Variants in PPFIBP1 observed in about 807,000 individuals in gnomAD.
PPFIBP1 encodes the protein PPFIB scaffold protein 1.
In PPFIBP1, 112 loss-of-function variants were observed where a neutral mutation model predicts 137.8. The ratio of observed to expected loss-of-function variants is 0.81; its 90% CI spans 0.70 to 0.95. PPFIBP1 has a LOEUF of 0.95. Among genes scored for constraint, PPFIBP1 ranks in the 40% least tolerant of loss-of-function variants. PPFIBP1 has a pLI of 0.00. For missense variants in PPFIBP1, 1,083 were observed against 1,196.6 expected (o/e 0.91, Z 1.40); for synonymous variants, 378 against 417.3 (o/e 0.91, Z 1.15).
At chr12:27,583,187 G>A (rs765947469) in intron 2 of PPFIBP1, among the ~76,000 whole-genome samples, 3 of 152,176 alleles carry the variant, frequency 2.0e-5, no homozygotes, top group Admixed American at 1.3e-4. Context: ...TTGCTTGGAA[G>A]CTTTTCAACA....
At chr12:27,533,146 A>G (rs1289125420) in intron 1 of PPFIBP1, among the ~76,000 whole-genome samples, 1 of 152,200 alleles carries the variant, frequency 6.6e-6, no homozygotes, top group Non-Finnish European at 1.5e-5. Flanking sequence ...AACTACAGGG[A>G]CATGCCTCCA....
intron 1 of PPFIBP1, among the ~76,000 whole-genome samples, chr12:27,560,667 A>G (rs1463747786): frequency 6.6e-6 from 1 of 152,156 alleles, no homozygotes; most frequent in Non-Finnish European, 1.5e-5. Flanking sequence ...GTTGAGTATT[A>G]TTATTACTTC....
At chr12:27,567,182 G>A (rs2049752824) in intron 1 of PPFIBP1, among the ~76,000 whole-genome samples, 1 of 152,176 alleles carries the variant, frequency 6.6e-6, no homozygotes, top group South Asian at 2.1e-4. Flanking sequence ...AGACCATGGG[G>A]TGCTCTACAG....
At chr12:27,628,527 A>G (rs1184136375) in intron 2 of PPFIBP1, among the ~76,000 whole-genome samples, 1 of 152,112 alleles carries the variant, frequency 6.6e-6, no homozygotes, top group African/African-American at 2.4e-5. Flanking sequence ...CACCCAAAGA[A>G]CTCAACTATA....
At chr12:27,688,165 A>G in intron 25 of PPFIBP1, 133 bp from the exon 26 acceptor site, 1 of 1,051,696 alleles carries the variant, frequency 9.5e-7, no homozygotes, top group Non-Finnish European at 1.4e-6. Context: ...CTATGACAGA[A>G]ATTCTTTAAA....
In PPFIBP1 at chr12:27,677,110, G is replaced by C; in HGVS notation, c.1615+14G>C. Reference sequence around the variant, plus strand: ...CACCCACCCTAGGTATTGTACCCCTGCATGCCAGCCTTCACCAGCACTGTG... The same window carrying C: ...CACCCACCCTAGGTATTGTACCCCTCCATGCCAGCCTTCACCAGCACTGTG... On this transcript the variant is annotated intron_variant, in intron 19 of 29. Transcript: ENST00000228425. 6.2e-7 allele frequency: 1 copy of C among 1,613,780 alleles called. No homozygotes were observed. The highest frequency in any genetic ancestry group is 8.5e-7 in the Non-Finnish European group (1 of 1,179,942).
intron 2 of PPFIBP1, among the ~76,000 whole-genome samples, chr12:27,586,830 A>G (rs1432626726): frequency 7.0e-6 from 1 of 143,544 alleles, no homozygotes; most frequent in African/African-American, 2.6e-5. Context: ...TCATGGCTCA[A>G]AATAAAAGAA....
At chr12:27,537,374 G>T (rs1417150935) in intron 1 of PPFIBP1, among the ~76,000 whole-genome samples, 1 of 152,106 alleles carries the variant, frequency 6.6e-6, no homozygotes, top group African/African-American at 2.4e-5. Context: ...CTCGTGATCC[G>T]CCGGCCTCGG....
intron 2 of PPFIBP1, among the ~76,000 whole-genome samples, chr12:27,600,507 T>G (rs2137715041): frequency 6.6e-6 from 1 of 152,200 alleles, no homozygotes; most frequent in South Asian, 2.1e-4. Context: ...CCTGTGTACT[T>G]AAATCTCAGT....
At chr12:27,529,344 C>T (rs973706228) in intron 1 of PPFIBP1, among the ~76,000 whole-genome samples, 8 of 152,212 alleles carry the variant, frequency 5.3e-5, no homozygotes, top group African/African-American at 1.9e-4. Context: ...GGTGAAACTC[C>T]ATTTCACCTG....
chr12:27,612,328 GTTTTTTTT>G (rs1173958726), intron 2 of PPFIBP1, among the ~76,000 whole-genome samples: 2 of 87,234 alleles, frequency 2.3e-5, no homozygotes, highest in Non-Finnish European at 2.2e-5. Context: ...CTTTATTGGT[GTTTTTTTT>G]TTTTTTTTTT....
At chr12:27,610,786 T>C (rs1267146927) in intron 2 of PPFIBP1, among the ~76,000 whole-genome samples, 1 of 152,200 alleles carries the variant, frequency 6.6e-6, no homozygotes, top group Non-Finnish European at 1.5e-5. Context: ...GAATAAATAT[T>C]GCTATGATTT....
Position 27,678,856 on chromosome 12 carries a change from C to CAAAAAAAAAAAAA in PPFIBP1, c.1616-620_1616-608dup, listed in dbSNP as rs60834907. On this transcript the variant is annotated intron_variant, in intron 19 of 29. Transcript: ENST00000228425. ...TGGGAAACAGAGTGAGACTCTGTCT[C>CAAAAAAAAAAAAA]AAAAAAAAAAAAAAAAAAAAAAAAA... is the stretch of plus-strand genomic sequence containing the variant. 6.2e-3 allele frequency among the ~76,000 whole-genome samples: 609 copies of CAAAAAAAAAAAAA among 98,864 alleles called. 18 individuals are homozygous for CAAAAAAAAAAAAA. The highest frequency in any genetic ancestry group is 1.0e-2 in the East Asian group (27 of 2,708). The allele number at this position is 98,864 out of a possible 152,430, so 64.9% of individuals were successfully genotyped here.
intron 4 of PPFIBP1, among the ~76,000 whole-genome samples, chr12:27,642,687 G>C (rs561699606): frequency 2.0e-5 from 3 of 152,294 alleles, no homozygotes; most frequent in African/African-American, 2.4e-5. Flanking sequence ...AAGACAGATT[G>C]ATCTGAGAGG....
At chr12:27,638,505 TG>T (rs34048418) in intron 4 of PPFIBP1, among the ~76,000 whole-genome samples, 88,901 of 151,562 alleles carry the variant, frequency 0.59, 26,575 homozygotes, top group Admixed American at 0.65. Flanking sequence ...CTTGGTTTTC[TG>T]GTCTGTAAAA....
chr12:27,533,019 T>C (rs1472099762), intron 1 of PPFIBP1, among the ~76,000 whole-genome samples: 1 of 152,168 alleles, frequency 6.6e-6, no homozygotes, highest in African/African-American at 2.4e-5. Context: ...AATTTTCTTT[T>C]AAAGATGATG....
At chr12:27,627,477 C>G (rs1344446209) in intron 2 of PPFIBP1, among the ~76,000 whole-genome samples, 1 of 152,174 alleles carries the variant, frequency 6.6e-6, no homozygotes, top group Non-Finnish European at 1.5e-5. Flanking sequence ...TGAATTGTAT[C>G]TATCTTGGGT....
intron 1 of PPFIBP1, among the ~76,000 whole-genome samples, chr12:27,567,833 T>C (rs552892176): frequency 6.6e-6 from 1 of 152,328 alleles, no homozygotes; most frequent in East Asian, 1.9e-4. Flanking sequence ...ATCAAGTAGA[T>C]ATTGTCGGGA....
At chr12:27,599,579 A>G (rs2053737193) in intron 2 of PPFIBP1, 1 of 444,158 alleles carries the variant, frequency 2.3e-6, no homozygotes, top group Non-Finnish European at 4.5e-6. Context: ...CCTTCCTTTC[A>G]TCCATTCATT....
Sources: gnomAD v4.1 joint callset for allele counts (sites outside exome capture counted in the v4.1 genomes callset) on GRCh38, gnomAD v4.1.1 for gene constraint, MANE v1.5 for transcripts, NCBI Gene and HGNC (gene_info 2026-07-23, HGNC 2026-07-21) for gene names.